The following GABRR2 variants were observed in gnomAD, a reference collection of about 807,000 sequenced individuals.
GABRR2 encodes the protein gamma-aminobutyric acid receptor subunit rho-2.
A neutral mutation model predicts 47.0 loss-of-function variants in GABRR2; 36 were observed. The ratio of observed to expected loss-of-function variants is 0.77; its 90% confidence interval spans 0.59 to 1.01. The LOEUF is 1.01. Among genes scored for constraint, GABRR2 ranks in the 50% least tolerant of loss-of-function variants. The pLI is 0.00. For synonymous variants in GABRR2, 204 were observed against 227.5 expected (o/e 0.90, Z 0.93); for missense variants, 587 against 594.6 (o/e 0.99, Z 0.13).
Position 89,255,528 on chromosome 6 carries a change from G to A in GABRR2, c.*2142C>T, listed in dbSNP as rs1050789295. 2.6e-5 allele frequency among the ~76,000 whole-genome samples: 4 copies of A among 152,180 alleles called. No individual in the cohort carries two copies. Among genetic ancestry groups the A allele is most frequent in the Non-Finnish European group, 5.9e-5 (4 of 68,026 alleles). On this transcript the variant is annotated 3_prime_UTR_variant, in exon 9 of 9. Coordinates refer to ENST00000402938, the MANE Select transcript of GABRR2 (RefSeq NM_002043.5). ...GCATTTTTGTTCTTCATTGGTCTGTGAGACTGGGAAATCTAGTAGTCTTGG... is the reference window on the plus strand; with the variant it reads ...GCATTTTTGTTCTTCATTGGTCTGTAAGACTGGGAAATCTAGTAGTCTTGG...
chr6:89,293,232 G>A (rs1056772376), intron 2 of GABRR2, among the ~76,000 whole-genome samples: 2 of 152,196 alleles, frequency 1.3e-5, no homozygotes, highest in African/African-American at 4.8e-5. Context: ...CCTATATGAT[G>A]TTGTTAGAAT....
At chr6:89,313,809 C>G (rs191004449) in intron 1 of GABRR2, among the ~76,000 whole-genome samples, 52 of 152,138 alleles carry the variant, frequency 3.4e-4, no homozygotes, top group Non-Finnish European at 6.2e-4. Flanking sequence ...CCCAGCTACT[C>G]GGGAGGCTGA....
intron 2 of GABRR2, among the ~76,000 whole-genome samples, chr6:89,285,622 C>G (rs1486048437): frequency 6.6e-6 from 1 of 152,116 alleles, no homozygotes; most frequent in Non-Finnish European, 1.5e-5. Flanking sequence ...GGGATGTGTT[C>G]AGGGGTCTGG....
chr6:89,260,156 C>T (rs1038935003), intron 8 of GABRR2, among the ~76,000 whole-genome samples: 11 of 152,152 alleles, frequency 7.2e-5, no homozygotes, highest in African/African-American at 2.4e-4. Context: ...ATCCACCTGC[C>T]TTGGCTTCCC....
At chr6:89,265,519 T>A in intron 7 of GABRR2, 94 bp downstream of exon 7, 1 of 1,381,578 alleles carries the variant, frequency 7.2e-7, no homozygotes, top group Non-Finnish European at 9.7e-7. Context: ...AGCTCATCAG[T>A]TAAGAAGTCT....
chr6:89,302,849 G>A, intron 1 of GABRR2: 1 of 1,345,572 alleles, frequency 7.4e-7, no homozygotes, highest in Non-Finnish European at 1.0e-6. Context: ...CCAGCCTCAA[G>A]ATGTCTTCCA....
At chr6:89,285,465 G>C (rs1456997498) in intron 2 of GABRR2, among the ~76,000 whole-genome samples, 1 of 152,200 alleles carries the variant, frequency 6.6e-6, no homozygotes, top group Admixed American at 6.5e-5. Context: ...AGCACCACGT[G>C]TGAGCATGCG....
At chr6:89,290,166 T>C (rs1774412643) in intron 2 of GABRR2, among the ~76,000 whole-genome samples, 1 of 152,198 alleles carries the variant, frequency 6.6e-6, no homozygotes, top group Non-Finnish European at 1.5e-5. Flanking sequence ...TTTTGACAAA[T>C]ACACCTTCCT....
intron 2 of GABRR2, among the ~76,000 whole-genome samples, chr6:89,273,638 T>C (rs1406980640): frequency 1.3e-5 from 2 of 152,180 alleles, no homozygotes; most frequent in Non-Finnish European, 1.5e-5. Context: ...AATTAACCTA[T>C]CTTTCTCCCC....
intron 6 of GABRR2, among the ~76,000 whole-genome samples, chr6:89,266,743 G>A (rs1317724522): frequency 6.6e-6 from 1 of 152,150 alleles, no homozygotes; most frequent in Non-Finnish European, 1.5e-5. Context: ...ATCCCACACA[G>A]AAACTCTGCA....
At chr6:89,276,453 T>C (rs2127837700) in intron 2 of GABRR2, among the ~76,000 whole-genome samples, 1 of 152,242 alleles carries the variant, frequency 6.6e-6, no homozygotes, top group Non-Finnish European at 1.5e-5. Flanking sequence ...AAAGCGTTTG[T>C]TAAAATCAGT....
rs1582441480 is a variant in GABRR2, at chr6:89,269,287, T to C, written c.289-53A>G. The C allele has an allele frequency of 1.2e-5, 16 of 1,371,264 alleles. No homozygotes were observed. The East Asian group carries it at 3.7e-4, about 31-fold the overall frequency. 84.9% of individuals were successfully genotyped at this position (1,371,264 alleles called of 1,614,324 possible). On this transcript the variant is annotated intron_variant, in intron 3 of 8. Transcript: ENST00000402938. ...AAAATGGCTTAGAAGGTTTTCTTCC[T>C]TACAATCAACCCACCATTCACTACT...
At chr6:89,263,453 C>G (rs1405454189) in intron 8 of GABRR2, among the ~76,000 whole-genome samples, 3 of 152,206 alleles carry the variant, frequency 2.0e-5, no homozygotes, top group Non-Finnish European at 4.4e-5. Flanking sequence ...CCCCCAACCC[C>G]TGCCTTGTTC....
chr6:89,308,826 T>C (rs146134906), intron 1 of GABRR2, among the ~76,000 whole-genome samples: 216 of 152,352 alleles, frequency 1.4e-3, no homozygotes, highest in African/African-American at 5.0e-3. Context: ...CATATTTTTA[T>C]AGAGCATCTA....
intron 1 of GABRR2, among the ~76,000 whole-genome samples, chr6:89,303,578 G>GA (rs1767499574): frequency 8.6e-6 from 1 of 116,400 alleles, no homozygotes; most frequent in African/African-American, 3.7e-5. Flanking sequence ...CACAGAACTA[G>GA]GAAAAACTAT....
chr6:89,258,053 G>A, intron 8 of GABRR2, 72 bp from the exon 9 acceptor site: 1 of 1,402,208 alleles, frequency 7.1e-7, no homozygotes, highest in Non-Finnish European at 9.6e-7. Flanking sequence ...TGGCCCAAGA[G>A]CAAAGCCACA....
intron 1 of GABRR2, among the ~76,000 whole-genome samples, chr6:89,309,791 T>TA (rs1767648300): frequency 6.6e-6 from 1 of 151,928 alleles, no homozygotes; most frequent in African/African-American, 2.4e-5. Flanking sequence ...TTATTATTAT[T>TA]TTTAGAGACA....
chr6:89,298,752 T>C (rs558013586), intron 2 of GABRR2, among the ~76,000 whole-genome samples: 33 of 152,322 alleles, frequency 2.2e-4, no homozygotes, highest in African/African-American at 7.9e-4. Flanking sequence ...TGAATGTTTA[T>C]GTCCCTGACA....
At chr6:89,281,320 G>T (rs562835088) in intron 2 of GABRR2, among the ~76,000 whole-genome samples, 1 of 152,354 alleles carries the variant, frequency 6.6e-6, no homozygotes, top group Admixed American at 6.5e-5. Flanking sequence ...TGATCCAGAG[G>T]AAGGATCAGT....
Sources: allele counts gnomAD v4.1 joint callset (sites outside exome capture counted in the v4.1 genomes callset), GRCh38; gene constraint gnomAD v4.1.1; transcripts MANE v1.5; gene names NCBI Gene and HGNC (gene_info 2026-07-23, HGNC 2026-07-21).